BABAM2: variants seen among roughly 807,000 people sequenced by gnomAD.
BABAM2 encodes the protein BRISC and BRCA1 A complex member 2, also known as BRISC and BRCA1-A complex member 2.
In BABAM2, 31 loss-of-function variants were observed where a neutral mutation model predicts 54.7. The observed-to-expected ratio is 0.57, with a 90% CI of 0.43 to 0.77. The LOEUF is 0.77. BABAM2 is among the 30% of genes least tolerant of loss of function. The pLI is 0.00. For missense variants in BABAM2, 364 were observed against 455.8 expected, an observed-to-expected ratio of 0.80 and a Z score of 1.83; for synonymous variants, 167 against 162.9, an observed-to-expected ratio of 1.03 and a Z score of -0.19.
At chr2:28,016,522 T>C (rs2148544311) in intron 4 of BABAM2, 3 of 814,198 alleles carry the variant, frequency 3.7e-6, no homozygotes, top group Admixed American at 4.0e-5. Flanking sequence ...CGAGGGAAAC[T>C]GGGCCGGAGA....
intron 11 of BABAM2, among the ~76,000 whole-genome samples, chr2:28,337,659 G>A (rs375471300): frequency 9.8e-5 from 15 of 152,314 alleles, no homozygotes; most frequent in South Asian, 2.1e-4. Context: ...CTGCATGTGC[G>A]TTTGGAAATA....
chr2:27,980,278 A>G (rs1208331127), intron 3 of BABAM2, among the ~76,000 whole-genome samples: 1 of 152,088 alleles, frequency 6.6e-6, no homozygotes, highest in Admixed American at 6.5e-5. Context: ...TGTCCAGGTA[A>G]TCTGTACTCT....
At chr2:28,003,020 G>T (rs1017221829) in intron 4 of BABAM2, among the ~76,000 whole-genome samples, 1 of 152,114 alleles carries the variant, frequency 6.6e-6, no homozygotes, top group African/African-American at 2.4e-5. Flanking sequence ...CATCTAGAGG[G>T]TGTTTTAGCT....
chr2:28,237,412 C>T (rs189623284), intron 8 of BABAM2, 111 bp downstream of exon 8: 237 of 901,370 alleles, frequency 2.6e-4, no homozygotes, highest in South Asian at 1.8e-3. Flanking sequence ...TGCTCAGTTT[C>T]AGCCTCCATC....
chr2:27,937,417 C>T (rs1344190135), intron 3 of BABAM2, among the ~76,000 whole-genome samples: 2 of 152,198 alleles, frequency 1.3e-5, no homozygotes, highest in Non-Finnish European at 2.9e-5. Flanking sequence ...TGAGCCACCG[C>T]ACCCAGCCTG....
chr2:27,993,177 C>G (rs1378306456), intron 4 of BABAM2, among the ~76,000 whole-genome samples: 1 of 152,152 alleles, frequency 6.6e-6, no homozygotes, highest in Non-Finnish European at 1.5e-5. Context: ...CCCAGGCAAA[C>G]TGGGATAATG....
intron 7 of BABAM2, among the ~76,000 whole-genome samples, chr2:28,132,922 G>C (rs1670212615): frequency 6.6e-6 from 1 of 151,854 alleles, no homozygotes; most frequent in Admixed American, 6.6e-5. Context: ...TTGCCTAATT[G>C]GCAGTCTTCT....
At chr2:28,294,941 C>CA (rs1433821734) in intron 10 of BABAM2, among the ~76,000 whole-genome samples, 1 of 152,152 alleles carries the variant, frequency 6.6e-6, no homozygotes, top group Non-Finnish European at 1.5e-5. Context: ...CTTTGTTAGA[C>CA]AAATCTCCAT....
At chr2:28,282,064 G>A (rs1434428013) in intron 10 of BABAM2, among the ~76,000 whole-genome samples, 1 of 152,002 alleles carries the variant, frequency 6.6e-6, no homozygotes, top group Admixed American at 6.6e-5. Context: ...TTAAGCAGAT[G>A]GAGAAAAAGA....
At chr2:28,229,826 G>A (rs1294581489) in intron 7 of BABAM2, among the ~76,000 whole-genome samples, 1 of 151,964 alleles carries the variant, frequency 6.6e-6, no homozygotes, top group Non-Finnish European at 1.5e-5. Flanking sequence ...ATCTCAAGTG[G>A]TCCACCTGCC....
chr2:28,021,857 C>G (rs182331033), intron 4 of BABAM2, among the ~76,000 whole-genome samples: 3 of 152,198 alleles, frequency 2.0e-5, no homozygotes, highest in Non-Finnish European at 4.4e-5. Context: ...TAGTTTCCTC[C>G]TTTATCTCCC....
chr2:28,143,759 G>A (rs1461857420), intron 7 of BABAM2, among the ~76,000 whole-genome samples: 6 of 152,114 alleles, frequency 3.9e-5, no homozygotes, highest in African/African-American at 1.2e-4. Flanking sequence ...TGTGTTAAGC[G>A]CTCTATACCT....
intron 2 of BABAM2, among the ~76,000 whole-genome samples, chr2:27,923,627 T>C (rs1667483335): frequency 6.6e-6 from 1 of 151,760 alleles, no homozygotes; most frequent in Admixed American, 6.6e-5. Context: ...CCTAAAAAAA[T>C]TATAATAGTA....
chr2:28,272,674 G>A (rs966477312), intron 10 of BABAM2, among the ~76,000 whole-genome samples: 2 of 152,198 alleles, frequency 1.3e-5, no homozygotes, highest in African/African-American at 4.8e-5. Flanking sequence ...TATTGAGCCT[G>A]TCCCATCCCA....
intron 6 of BABAM2, among the ~76,000 whole-genome samples, chr2:28,105,721 G>A (rs57542264): frequency 0.015 from 2,214 of 152,260 alleles, 42 homozygotes; most frequent in African/African-American, 0.05. Flanking sequence ...TGCTGACTTA[G>A]GTTTGACTAC....
intron 11 of BABAM2, among the ~76,000 whole-genome samples, chr2:28,336,861 C>T (rs11127143): frequency 0.85 from 129,932 of 152,330 alleles, 56,041 homozygotes; most frequent in East Asian, 0.96. Flanking sequence ...GGTGAGTGCT[C>T]GTGCTTCCTG....
At chr2:28,330,250 G>A (rs1346758423) in intron 11 of BABAM2, among the ~76,000 whole-genome samples, 5 of 152,188 alleles carry the variant, frequency 3.3e-5, no homozygotes, top group Admixed American at 2.0e-4. Context: ...AAAGCTGGAA[G>A]CATTCCCCTT....
intron 5 of BABAM2, among the ~76,000 whole-genome samples, chr2:28,039,113 T>C (rs559886577): frequency 7.9e-5 from 12 of 152,322 alleles, no homozygotes; most frequent in Non-Finnish European, 1.6e-4. Flanking sequence ...GCAGTGGTCC[T>C]GTCTCTTTTA....
intron 7 of BABAM2, among the ~76,000 whole-genome samples, chr2:28,147,813 A>G (rs761106239): frequency 6.6e-6 from 1 of 152,170 alleles, no homozygotes; most frequent in Non-Finnish European, 1.5e-5. Flanking sequence ...CACATGTCTC[A>G]ACGTGGATGT....
Sources: gnomAD v4.1 joint callset for allele counts (sites outside exome capture counted in the v4.1 genomes callset) on GRCh38, gnomAD v4.1.1 for gene constraint, MANE v1.5 for transcripts, NCBI Gene and HGNC (gene_info 2026-07-23, HGNC 2026-07-21) for gene names.